COL23A1: variants seen among roughly 807,000 people sequenced by gnomAD.
The protein encoded by COL23A1 is collagen type XXIII alpha 1 chain, also known as collagen alpha-1(XXIII) chain.
A neutral mutation model predicts 99.3 loss-of-function variants in COL23A1; 97 were observed. The observed-to-expected ratio is 0.98, with a 90% CI of 0.83 to 1.16. COL23A1 has a LOEUF of 1.16. Among genes scored for constraint, COL23A1 ranks in the 50% most tolerant of loss-of-function variants. The pLI is 0.00. For missense variants in COL23A1, 762 were observed against 757.4 expected, an observed-to-expected ratio of 1.01 and a Z score of -0.07; for synonymous variants, 320 against 308.2, an observed-to-expected ratio of 1.04 and a Z score of -0.40.
intron 2 of COL23A1, among the ~76,000 whole-genome samples, chr5:178,430,972 G>C (rs1766230496): frequency 1.3e-5 from 2 of 152,152 alleles, no homozygotes; most frequent in Non-Finnish European, 2.9e-5. Flanking sequence ...GGAGCACAGG[G>C]CAGGGAGATG....
chr5:178,334,079 G>T (rs1760188185), intron 2 of COL23A1, among the ~76,000 whole-genome samples: 1 of 152,150 alleles, frequency 6.6e-6, no homozygotes, highest in South Asian at 2.1e-4. Flanking sequence ...ATGCCCTGGG[G>T]ATGTCCGGGT....
At chr5:178,530,914 C>G (rs1365453994) in intron 2 of COL23A1, among the ~76,000 whole-genome samples, 1 of 151,688 alleles carries the variant, frequency 6.6e-6, no homozygotes, top group Admixed American at 6.6e-5. Flanking sequence ...GTCGCCCAGG[C>G]TGGAGTACAG....
At chr5:178,568,785 A>C (rs529493854) in intron 1 of COL23A1, among the ~76,000 whole-genome samples, 31 of 152,334 alleles carry the variant, frequency 2.0e-4, no homozygotes, top group African/African-American at 6.3e-4. Context: ...TTATGACTGA[A>C]TAATATTGCA....
chr5:178,484,804 A>G (rs1351368990), intron 2 of COL23A1, among the ~76,000 whole-genome samples: 1 of 139,578 alleles, frequency 7.2e-6, no homozygotes, highest in Admixed American at 7.8e-5. Flanking sequence ...CCTGGGTGAA[A>G]GAGCAAGACT....
chr5:178,559,267 C>T (rs374946959), intron 2 of COL23A1, among the ~76,000 whole-genome samples: 22 of 152,232 alleles, frequency 1.4e-4, no homozygotes, highest in East Asian at 7.7e-4. Context: ...GCAGAAATCT[C>T]GGGGCATCTC....
chr5:178,562,441 CT>C (rs1762621328), intron 1 of COL23A1, among the ~76,000 whole-genome samples: 2 of 150,802 alleles, frequency 1.3e-5, no homozygotes, highest in Admixed American at 6.6e-5. Context: ...GTAGTCCCAG[CT>C]TACCCCAGAG....
At position 178,481,147 on chromosome 5, in the gene COL23A1, A is replaced by G. The variant is rs563035548; in HGVS notation, c.361+79535T>C. The stretch of plus-strand genomic sequence containing the variant: ...ACTGTCTCTCAAAAAAAAAAAAAAA[A>G]AAAGAAAGAAAGAAAATGTGACTTA... On this transcript the variant is annotated intron_variant, in intron 2 of 28. Coordinates refer to ENST00000390654, the MANE Select transcript of COL23A1 (RefSeq NM_173465.4). Among the ~76,000 whole-genome samples, 31 of 148,848 alleles carry G rather than the reference A, an allele frequency of 2.1e-4. 1 individual carries two copies. The East Asian group carries it at 3.5e-3, about 17-fold the overall frequency.
intron 1 of COL23A1, among the ~76,000 whole-genome samples, chr5:178,573,299 A>T (rs10063696): frequency 1.6e-3 from 247 of 152,344 alleles, no homozygotes; most frequent in African/African-American, 5.7e-3. Flanking sequence ...TGGGTACAGA[A>T]GGCATCACAC....
intron 2 of COL23A1, among the ~76,000 whole-genome samples, chr5:178,367,311 C>T (rs976043741): frequency 2.0e-5 from 3 of 152,162 alleles, no homozygotes; most frequent in African/African-American, 7.2e-5. Context: ...GGCGTTTGGC[C>T]TTGGGTGGGT....
At chr5:178,250,200 G>A in intron 17 of COL23A1, 95 bp from the exon 18 acceptor site, 3 of 1,471,374 alleles carry the variant, frequency 2.0e-6, no homozygotes, top group African/African-American at 1.4e-5. Context: ...ACCCGGCCCA[G>A]GGTGGGTCTT....
At chr5:178,260,097 C>A (rs192983934) in intron 11 of COL23A1, among the ~76,000 whole-genome samples, 1 of 152,288 alleles carries the variant, frequency 6.6e-6, no homozygotes, top group African/African-American at 2.4e-5. Context: ...GACCAGAGCC[C>A]GCCTCCCCAC....
chr5:178,293,965 C>G (rs1477653329), intron 3 of COL23A1, among the ~76,000 whole-genome samples: 1 of 152,000 alleles, frequency 6.6e-6, no homozygotes, highest in Non-Finnish European at 1.5e-5. Context: ...TATCAAGATT[C>G]ACAGGAATTC....
intron 2 of COL23A1, among the ~76,000 whole-genome samples, chr5:178,407,297 C>A (rs59702880): frequency 0.015 from 2,350 of 152,332 alleles, 46 homozygotes; most frequent in African/African-American, 0.053. Context: ...TTTCACCCTC[C>A]ACCTGAAAGT....
chr5:178,425,456 AAT>A (rs1581367406), intron 2 of COL23A1, among the ~76,000 whole-genome samples: 1 of 149,198 alleles, frequency 6.7e-6, no homozygotes, highest in African/African-American at 2.5e-5. Context: ...TAAATAAATA[AAT>A]AAATAAATAA....
rs557766278 is a variant in COL23A1 at position 178,308,901 on chromosome 5, C to T, written c.362-1982G>A. On this transcript the variant is annotated intron_variant, in intron 2 of 28. Transcript: ENST00000390654. This position sits in a 1 kb window ranked among gnomAD's most constrained non-coding sequence, Gnocchi z 5.1. Reference sequence around the variant, plus strand: ...ACGGGAACGGGAGCCCCCCGGCACACGCAGCACCATGTTCCTCGGGCTGTA... The same window carrying T: ...ACGGGAACGGGAGCCCCCCGGCACATGCAGCACCATGTTCCTCGGGCTGTA... 1.8e-4 allele frequency among the ~76,000 whole-genome samples: 27 copies of T among 152,284 alleles called. No individual in the cohort carries two copies. The East Asian group carries it at 3.9e-3, about 22-fold the overall frequency.
intron 2 of COL23A1, among the ~76,000 whole-genome samples, chr5:178,543,416 T>C (rs10065484): frequency 0.08 from 12,102 of 152,156 alleles, 1,113 homozygotes; most frequent in African/African-American, 0.23. Flanking sequence ...CTATAGTTGG[T>C]TTTTATAACA....
At chr5:178,504,038 A>G (rs1758727064) in intron 2 of COL23A1, among the ~76,000 whole-genome samples, 1 of 150,512 alleles carries the variant, frequency 6.6e-6, no homozygotes, top group Non-Finnish European at 1.5e-5. Context: ...AAAAGATAAA[A>G]AAGAGTTCAC....
At chr5:178,571,994 A>G (rs377022670) in intron 1 of COL23A1, among the ~76,000 whole-genome samples, 12 of 147,246 alleles carry the variant, frequency 8.1e-5, no homozygotes, top group East Asian at 2.0e-4. Flanking sequence ...CGTGAACCTG[A>G]GAGGCGGAGC....
rs142390932 is a variant in COL23A1 at position 178,552,335 on chromosome 5, T to C, written c.361+8347A>G. On this transcript the variant is annotated intron_variant, in intron 2 of 28. Coordinates refer to ENST00000390654, the MANE Select transcript of COL23A1 (RefSeq NM_173465.4). ...TGAATGAACAAATACCTATGCATAGTGAAGCGAGGGAATGGCAACCAGCCT... is the reference window on the plus strand; with the variant it reads ...TGAATGAACAAATACCTATGCATAGCGAAGCGAGGGAATGGCAACCAGCCT... Among the ~76,000 whole-genome samples, 811 of 152,120 alleles carry C rather than the reference T, an allele frequency of 5.3e-3. 6 individuals carry two copies. The highest frequency in any genetic ancestry group is 0.018 in the African/African-American group (760 of 41,504).
Sources: allele counts gnomAD v4.1 joint callset (sites outside exome capture counted in the v4.1 genomes callset), GRCh38; gene constraint gnomAD v4.1.1; non-coding constraint Gnocchi (gnomAD v3.1); transcripts MANE v1.5; gene names NCBI Gene and HGNC (gene_info 2026-07-23, HGNC 2026-07-21).